The following FRMD6 variants were observed in gnomAD, a reference collection of about 807,000 sequenced individuals.
FRMD6 encodes the protein FERM domain containing 6.
In FRMD6, 37 loss-of-function variants were observed where a neutral mutation model predicts 73.2. The observed-to-expected ratio is 0.51, with a 90% CI of 0.39 to 0.66. FRMD6 has a LOEUF of 0.66. Among genes scored for constraint, FRMD6 ranks in the 30% least tolerant of loss-of-function variants. The pLI, the probability that FRMD6 is intolerant of heterozygous loss-of-function variation, is 0.00. For missense variants in FRMD6, 714 were observed against 780.5 expected, an observed-to-expected ratio of 0.91 and a Z score of 1.02; for synonymous variants, 273 against 282.2, an observed-to-expected ratio of 0.97 and a Z score of 0.33.
intron 2 of FRMD6, among the ~76,000 whole-genome samples, chr14:51,694,899 A>G (rs937352070): frequency 6.6e-4 from 100 of 152,302 alleles, no homozygotes; most frequent in African/African-American, 2.4e-3. Context: ...ACAGCAGGCA[A>G]GACTTCAGAG....
At chr14:51,472,069 C>T in the FRMD6 span, among the ~76,000 whole-genome samples, 1 of 152,048 alleles carries the variant, frequency 6.6e-6, no homozygotes, top group Admixed American at 6.6e-5. Flanking sequence ...AACTTTCCAG[C>T]CTCTAGAACG....
At chr14:51,438,627 C>G in the FRMD6 span, among the ~76,000 whole-genome samples, 3 of 152,112 alleles carry the variant, frequency 2.0e-5, no homozygotes, top group East Asian at 5.8e-4. Context: ...TTAATATCTC[C>G]CTAGCTGGGA....
chr14:51,654,324 T>G (rs1892666704), intron 1 of FRMD6, among the ~76,000 whole-genome samples: 1 of 149,412 alleles, frequency 6.7e-6, no homozygotes, highest in Non-Finnish European at 1.5e-5. Flanking sequence ...GGTCTTTTTG[T>G]AGTTTTTGGA....
intron 1 of FRMD6, among the ~76,000 whole-genome samples, chr14:51,520,802 C>T (rs570541970): frequency 3.9e-4 from 60 of 152,010 alleles, no homozygotes; most frequent in African/African-American, 1.2e-3. Context: ...CCAGCTACTA[C>T]GGAGGCTGAG....
At chr14:51,644,531 G>C (rs766393952) in intron 2 of FRMD6, among the ~76,000 whole-genome samples, 1 of 152,174 alleles carries the variant, frequency 6.6e-6, no homozygotes, top group Non-Finnish European at 1.5e-5. Context: ...CTGTGCTCAC[G>C]TGAAGCTTAA....
chr14:51,520,760 T>C (rs935022989), intron 1 of FRMD6, among the ~76,000 whole-genome samples: 64 of 151,842 alleles, frequency 4.2e-4, no homozygotes, highest in African/African-American at 1.3e-3. Flanking sequence ...TAGCCAAAAA[T>C]TAGCCAAGCA....
At chr14:51,721,748 GAGGA>G (rs1309606255) in intron 11 of FRMD6, among the ~76,000 whole-genome samples, 197 bp from the exon 12 acceptor site, 21 of 18,850 alleles carry the variant, frequency 1.1e-3, no homozygotes, top group South Asian at 4.8e-3. Context: ...GGAAGGAAGG[GAGGA>G]AGGAAGGAGG....
intron 2 of FRMD6, among the ~76,000 whole-genome samples, chr14:51,630,260 T>C (rs1162549962): frequency 6.6e-6 from 1 of 152,130 alleles, no homozygotes; most frequent in Non-Finnish European, 1.5e-5. Flanking sequence ...TTCATAGTTT[T>C]AATATCATAA....
chr14:51,649,568 A>G (rs1892239361), upstream of FRMD6: 9 of 152,200 alleles, frequency 5.9e-5, no homozygotes, highest in South Asian at 1.7e-3. Flanking sequence ...TTTACACATG[A>G]AATGCCGGAT....
chr14:51,585,302 T>C (rs898696871), intron 2 of FRMD6, among the ~76,000 whole-genome samples: 1 of 152,184 alleles, frequency 6.6e-6, no homozygotes, highest in African/African-American at 2.4e-5. Flanking sequence ...TTCATACATA[T>C]ACACATACGA....
At chr14:51,561,819 A>G (rs915536038) in intron 1 of FRMD6, among the ~76,000 whole-genome samples, 1 of 152,222 alleles carries the variant, frequency 6.6e-6, no homozygotes, top group Non-Finnish European at 1.5e-5. Flanking sequence ...TTTCAGTATC[A>G]TAGTTCACTA....
chr14:51,455,185 C>T, the FRMD6 span, among the ~76,000 whole-genome samples: 34 of 152,240 alleles, frequency 2.2e-4, no homozygotes, highest in African/African-American at 6.3e-4. Flanking sequence ...TTAAATGCAC[C>T]GGGAATCCCA....
intron 1 of FRMD6, among the ~76,000 whole-genome samples, chr14:51,529,027 A>G (rs1206782388): frequency 6.6e-6 from 1 of 152,192 alleles, no homozygotes; most frequent in Non-Finnish European, 1.5e-5. Context: ...CACTTACTAT[A>G]ACTATCATAA....
At chr14:51,419,199 A>C in the FRMD6 span, among the ~76,000 whole-genome samples, 2 of 152,188 alleles carry the variant, frequency 1.3e-5, no homozygotes, top group Admixed American at 6.5e-5. Flanking sequence ...CTGTCCAACC[A>C]GTCCCCGTGA....
chr14:51,711,918 A>G (rs1896964285), intron 8 of FRMD6, among the ~76,000 whole-genome samples: 1 of 152,250 alleles, frequency 6.6e-6, no homozygotes, highest in East Asian at 1.9e-4. Flanking sequence ...GTGATTTTAA[A>G]TATTCTTTTA....
At chr14:51,683,083 A>G (rs1249040741) in intron 1 of FRMD6, among the ~76,000 whole-genome samples, 1 of 152,202 alleles carries the variant, frequency 6.6e-6, no homozygotes, top group Non-Finnish European at 1.5e-5. Context: ...AGGAGTAACC[A>G]CTTAATATAA....
At chr14:51,408,183 A>G in the FRMD6 span, among the ~76,000 whole-genome samples, 248 of 151,266 alleles carry the variant, frequency 1.6e-3, 5 homozygotes, top group East Asian at 0.044. Flanking sequence ...TACAAATACA[A>G]TATCACTCTG....
the FRMD6 span, among the ~76,000 whole-genome samples, chr14:51,480,671 T>G: frequency 2.6e-5 from 4 of 152,188 alleles, no homozygotes; most frequent in African/African-American, 9.6e-5. Flanking sequence ...ACCGTACATC[T>G]AGCTGATGTC....
intron 1 of FRMD6, among the ~76,000 whole-genome samples, chr14:51,540,019 A>T (rs1886117442): frequency 6.6e-6 from 1 of 152,232 alleles, no homozygotes; most frequent in African/African-American, 2.4e-5. Flanking sequence ...CTTAAAAAGA[A>T]TGCTTTAGAG....
Sources: gnomAD v4.1 joint callset for allele counts (sites outside exome capture counted in the v4.1 genomes callset) on GRCh38, gnomAD v4.1.1 for gene constraint, MANE v1.5 for transcripts, NCBI Gene and HGNC (gene_info 2026-07-23, HGNC 2026-07-21) for gene names.